The following EXOC2 variants were observed in gnomAD, a reference collection of about 807,000 sequenced individuals.
EXOC2 encodes SEC5-like 1.
EXOC2 carries 70 observed loss-of-function variants against 131.8 expected under a neutral mutation model. The observed-to-expected ratio is 0.53, with a 90% CI of 0.44 to 0.65. The LOEUF is 0.65. Ranked by LOEUF, EXOC2 falls within the 30% of genes least tolerant of loss-of-function variation. The pLI is 0.00. For synonymous variants in EXOC2, 411 were observed against 398.4 expected (o/e 1.03, Z -0.38); for missense variants, 923 against 1,108.6 (o/e 0.83, Z 2.38).
intron 22 of EXOC2, among the ~76,000 whole-genome samples, chr6:545,045 G>A (rs1756764764): frequency 2.7e-5 from 4 of 150,750 alleles, no homozygotes. Flanking sequence ...TACTCGGGAG[G>A]CTGAGGCAGG....
At chr6:532,329 C>G in intron 23 of EXOC2, 140 bp downstream of exon 23, 1 of 960,188 alleles carries the variant, frequency 1.0e-6, no homozygotes, top group Non-Finnish European at 1.4e-6. Flanking sequence ...TGGGTTTAAG[C>G]AAACAAAAAG....
chr6:488,220 T>C (rs1763200513), intron 27 of EXOC2, among the ~76,000 whole-genome samples: 1 of 152,204 alleles, frequency 6.6e-6, no homozygotes, highest in African/African-American at 2.4e-5. Flanking sequence ...GCCCAGCCTA[T>C]GTGATCTCTC....
rs574455782 is a variant in EXOC2, at chr6:560,604, C to T, written c.1851+2180G>A. On this transcript the variant is annotated intron_variant, in intron 17 of 27. Coordinates refer to ENST00000230449, the MANE Select transcript of EXOC2 (RefSeq NM_018303.6). ...TTTGTGCAGGTGGTGCAGGTCCATACCTTTCTCTAAAGATTTAGTGTGAGG... is the reference window on the plus strand; with the variant it reads ...TTTGTGCAGGTGGTGCAGGTCCATATCTTTCTCTAAAGATTTAGTGTGAGG... Among the ~76,000 whole-genome samples the T allele has an allele frequency of 1.7e-3, 260 of 152,254 alleles. 1 individual carries two copies. Among genetic ancestry groups the T allele is most frequent in the Middle Eastern group, 0.017 (5 of 294 alleles).
intron 10 of EXOC2, among the ~76,000 whole-genome samples, chr6:593,375 C>A (rs989161649): frequency 1.3e-5 from 2 of 152,142 alleles, no homozygotes; most frequent in African/African-American, 4.8e-5. Context: ...TGAGGGCTAA[C>A]CGAACTGTGA....
chr6:525,730 CCTT>C (rs1442480323), intron 23 of EXOC2: 1 of 152,120 alleles, frequency 6.6e-6, no homozygotes, highest in Admixed American at 6.5e-5. Flanking sequence ...CTAGCATGCT[CCTT>C]CTTATCCCCT....
intron 23 of EXOC2, among the ~76,000 whole-genome samples, chr6:520,835 G>A (rs1342070765): frequency 7.9e-6 from 1 of 127,098 alleles, no homozygotes; most frequent in Non-Finnish European, 1.6e-5. Flanking sequence ...CCTATTGAGT[G>A]CCAACAATCA....
At chr6:573,910 T>A (rs1758432230) in intron 12 of EXOC2, among the ~76,000 whole-genome samples, 1 of 152,220 alleles carries the variant, frequency 6.6e-6, no homozygotes, top group African/African-American at 2.4e-5. Context: ...CAAGCAAGTA[T>A]AAATGTGTTT....
chr6:575,556 C>T (rs761090908), intron 12 of EXOC2, among the ~76,000 whole-genome samples: 2 of 126,800 alleles, frequency 1.6e-5, no homozygotes, highest in East Asian at 2.2e-4. Flanking sequence ...CATGCTGGCT[C>T]CCCTTTTGCC....
chr6:500,507 A>G (rs1763984396), intron 23 of EXOC2, among the ~76,000 whole-genome samples: 1 of 152,196 alleles, frequency 6.6e-6, no homozygotes, highest in South Asian at 2.1e-4. Flanking sequence ...CTGTCACAGG[A>G]GAATAATAAT....
chr6:521,033 GC>G (rs1364718383), intron 23 of EXOC2, among the ~76,000 whole-genome samples: 1 of 144,724 alleles, frequency 6.9e-6, no homozygotes, highest in Non-Finnish European at 1.5e-5. Context: ...CGCCCACCGA[GC>G]GCCGACACTC....
chr6:592,608 T>C, intron 10 of EXOC2, 21 bp from the exon 11 acceptor site: 1 of 1,578,554 alleles, frequency 6.3e-7, no homozygotes, highest in Non-Finnish European at 8.7e-7. Flanking sequence ...AAGTCCAAGG[T>C]TGAGGCCAAA....
intron 1 of EXOC2, among the ~76,000 whole-genome samples, chr6:685,293 T>C (rs1764595304): frequency 6.6e-6 from 1 of 152,172 alleles, no homozygotes; most frequent in African/African-American, 2.4e-5. Flanking sequence ...AAGAATCCTG[T>C]TGCAGAGCTG....
At chr6:626,579 A>G (rs970339680) in intron 4 of EXOC2, among the ~76,000 whole-genome samples, 17 of 150,382 alleles carry the variant, frequency 1.1e-4, no homozygotes, top group Admixed American at 2.6e-4. Flanking sequence ...GGACCACAGC[A>G]CTCACAAATT....
chr6:551,166 G>A (rs1315557643), intron 21 of EXOC2, among the ~76,000 whole-genome samples: 2 of 152,172 alleles, frequency 1.3e-5, no homozygotes, highest in African/African-American at 2.4e-5. Context: ...AATGTAGCAC[G>A]TGCAGGTGAT....
chr6:516,638 C>T (rs1433464094), intron 23 of EXOC2, among the ~76,000 whole-genome samples: 3 of 152,206 alleles, frequency 2.0e-5, no homozygotes, highest in South Asian at 4.1e-4. Context: ...TAGCCAAGAC[C>T]AGGAGGAAAT....
In EXOC2 at chr6:486,575, C is replaced by A. The variant is rs1433536435; in HGVS notation, c.*96G>T. 15 of 1,120,586 alleles carry A rather than the reference C, an allele frequency of 1.3e-5. No individual in the cohort carries two copies. The highest frequency in any genetic ancestry group is 1.7e-5 in the Non-Finnish European group (13 of 773,124). 69.4% of individuals were successfully genotyped at this position (1,120,586 alleles called of 1,614,324 possible). On this transcript the variant is annotated 3_prime_UTR_variant, in exon 28 of 28. Transcript: ENST00000230449. Reference sequence around the variant, plus strand: ...GAAGAAAAAAGAGAAAAATGGCAAACCCAATGTTTAATACACCAAATACCT... The same window carrying A: ...GAAGAAAAAAGAGAAAAATGGCAAAACCAATGTTTAATACACCAAATACCT...
At chr6:604,223 C>T (rs560865582) in intron 7 of EXOC2, among the ~76,000 whole-genome samples, 4 of 152,328 alleles carry the variant, frequency 2.6e-5, no homozygotes, top group Admixed American at 1.3e-4. Flanking sequence ...ATGCGCCAAA[C>T]GTGCTCCTTC....
intron 21 of EXOC2, among the ~76,000 whole-genome samples, chr6:550,691 G>A (rs1346229992): frequency 6.6e-6 from 1 of 152,194 alleles, no homozygotes; most frequent in African/African-American, 2.4e-5. Context: ...GGACGAGGAC[G>A]CTACATTCCC....
rs947119388 is a variant in EXOC2, at chr6:572,508, C to A, written c.1443+12G>T. ...GACTCAGCTCCACCTCTAGCCGAGT[C>A]CGTATACACACCTCACTGAAGAGGC... On this transcript the variant is annotated intron_variant, in intron 13 of 27. Transcript: ENST00000230449. 5.0e-6 allele frequency: 8 copies of A among 1,608,560 alleles called. No homozygotes were observed. In the African/African-American group the frequency reaches 5.4e-5, roughly 11 times the overall value.
Sources: gnomAD v4.1 joint callset for allele counts (sites outside exome capture counted in the v4.1 genomes callset) on GRCh38, gnomAD v4.1.1 for gene constraint, MANE v1.5 for transcripts, NCBI Gene and HGNC (gene_info 2026-07-23, HGNC 2026-07-21) for gene names.